The following ST6GALNAC3 variants were observed in gnomAD, a reference collection of about 807,000 sequenced individuals.
ST6GALNAC3 encodes the protein alpha-N-acetylgalactosaminide alpha-2,6-sialyltransferase 3.
Under a neutral mutation model 32.7 loss-of-function variants are expected in ST6GALNAC3, and 25 were observed. The observed-to-expected ratio is 0.76, with a 90% CI of 0.56 to 1.07. The LOEUF is 1.07. Among genes scored for constraint, ST6GALNAC3 ranks in the 50% least tolerant of loss-of-function variants. ST6GALNAC3 has a pLI of 0.00. For synonymous variants in ST6GALNAC3, 129 were observed against 133.1 expected, an observed-to-expected ratio of 0.97 and a Z score of 0.21; for missense variants, 355 against 382.4, an observed-to-expected ratio of 0.93 and a Z score of 0.60.
At chr1:76,113,376 A>G (rs1218682098) in intron 1 of ST6GALNAC3, among the ~76,000 whole-genome samples, 1 of 150,344 alleles carries the variant, frequency 6.7e-6, no homozygotes, top group Non-Finnish European at 1.5e-5. Context: ...GGGAGGCCAA[A>G]TGGCATTGTT....
At chr1:76,519,737 TTTA>T (rs142525597) in intron 3 of ST6GALNAC3, among the ~76,000 whole-genome samples, 2,587 of 151,942 alleles carry the variant, frequency 0.017, 77 homozygotes, top group African/African-American at 0.06. Flanking sequence ...AATCTTCTAT[TTTA>T]TTATTCTAGT....
chr1:76,536,653 G>GC (rs1491548851), intron 3 of ST6GALNAC3, among the ~76,000 whole-genome samples: 1 of 10,700 alleles, frequency 9.3e-5, no homozygotes, highest in African/African-American at 2.7e-4. Flanking sequence ...GAAATGGAAA[G>GC]CAAAAAAAAA....
chr1:76,434,621 A>G (rs1390627084), intron 3 of ST6GALNAC3, among the ~76,000 whole-genome samples: 1 of 152,174 alleles, frequency 6.6e-6, no homozygotes, highest in Non-Finnish European at 1.5e-5. Flanking sequence ...GATAGAGTAA[A>G]GGGAGAGGTT....
At chr1:76,335,712 C>G (rs910638459) in intron 2 of ST6GALNAC3, among the ~76,000 whole-genome samples, 3 of 152,108 alleles carry the variant, frequency 2.0e-5, no homozygotes, top group Admixed American at 6.6e-5. Flanking sequence ...ATCTCCTTTT[C>G]CAATTATGTT....
At chr1:76,399,100 T>C (rs12748617) in intron 2 of ST6GALNAC3, among the ~76,000 whole-genome samples, 4,627 of 152,280 alleles carry the variant, frequency 0.03, 84 homozygotes, top group African/African-American at 0.035. Flanking sequence ...GAATTTGTTA[T>C]GTATTTTGTA....
intron 1 of ST6GALNAC3, among the ~76,000 whole-genome samples, chr1:76,254,901 T>G (rs1657830085): frequency 6.6e-6 from 1 of 152,046 alleles, no homozygotes; most frequent in African/African-American, 2.4e-5. Context: ...AAACAGCAAG[T>G]GCAAAAAATG....
At chr1:76,362,747 C>G (rs1030841828) in intron 2 of ST6GALNAC3, among the ~76,000 whole-genome samples, 1 of 152,242 alleles carries the variant, frequency 6.6e-6, no homozygotes, top group South Asian at 2.1e-4. Context: ...CTCCATGTCT[C>G]ACATCTGGGA....
chr1:76,469,131 G>T (rs1327883650), intron 3 of ST6GALNAC3, among the ~76,000 whole-genome samples: 3 of 152,060 alleles, frequency 2.0e-5, no homozygotes, highest in Non-Finnish European at 4.4e-5. Context: ...ATTATGTGTT[G>T]TAATGGCTTA....
rs770778690 is a variant in ST6GALNAC3 at position 76,126,424 on chromosome 1, TTTCC to T, written c.18+51566_18+51569del. On this transcript the variant is annotated intron_variant, in intron 1 of 4. Coordinates refer to ENST00000328299, the MANE Select transcript of ST6GALNAC3 (RefSeq NM_152996.4). ...TTTCCCTCCCTCCCTCCCTCCTGCC[TTTCC>T]TTCCTTCCTTCCTTCCTTCCTTCCT... Among the ~76,000 whole-genome samples the T allele has an allele frequency of 1.8e-3, 135 of 73,400 alleles. No individual in the cohort carries two copies. The East Asian group carries it at 0.024, about 13-fold the overall frequency. The allele number at this position is 73,400 out of a possible 152,430, so 48.2% of individuals were successfully genotyped here. A position where few individuals can be genotyped will look rare whatever the true frequency, so the allele number is the denominator to read the frequency against.
At chr1:76,133,772 G>A (rs141409134) in intron 1 of ST6GALNAC3, among the ~76,000 whole-genome samples, 3 of 152,322 alleles carry the variant, frequency 2.0e-5, no homozygotes, top group African/African-American at 7.2e-5. Context: ...TTGACTTCCA[G>A]GAGGAGGATC....
chr1:76,275,283 G>A (rs2100767147), intron 1 of ST6GALNAC3, among the ~76,000 whole-genome samples: 1 of 152,246 alleles, frequency 6.6e-6, no homozygotes, highest in Non-Finnish European at 1.5e-5. Flanking sequence ...GGCCTGCTTT[G>A]GGAAATTCTT....
chr1:76,124,318 A>C (rs1226723202), intron 1 of ST6GALNAC3, among the ~76,000 whole-genome samples: 1 of 152,164 alleles, frequency 6.6e-6, no homozygotes, highest in Non-Finnish European at 1.5e-5. Flanking sequence ...TGAACAAATC[A>C]TGCGCATTCT....
At chr1:76,102,678 T>G (rs1327544885) in intron 1 of ST6GALNAC3, among the ~76,000 whole-genome samples, 1 of 152,150 alleles carries the variant, frequency 6.6e-6, no homozygotes, top group Non-Finnish European at 1.5e-5. Flanking sequence ...TCTTGACTTC[T>G]GTGTCATTGT....
intron 1 of ST6GALNAC3, among the ~76,000 whole-genome samples, chr1:76,203,776 T>G (rs1375014561): frequency 1.3e-5 from 2 of 152,214 alleles, no homozygotes; most frequent in Non-Finnish European, 2.9e-5. Flanking sequence ...ATACATATTT[T>G]CAGGGTACCT....
intron 2 of ST6GALNAC3, among the ~76,000 whole-genome samples, chr1:76,331,517 C>A (rs1647186144): frequency 6.6e-6 from 1 of 152,198 alleles, no homozygotes; most frequent in South Asian, 2.1e-4. Flanking sequence ...TTGTCCATAA[C>A]CATCATTGCC....
intron 2 of ST6GALNAC3, among the ~76,000 whole-genome samples, chr1:76,400,641 C>T (rs890262677): frequency 6.6e-6 from 1 of 152,022 alleles, no homozygotes; most frequent in African/African-American, 2.4e-5. Flanking sequence ...AATCCCAGCA[C>T]TTTGGGAGGC....
intron 3 of ST6GALNAC3, among the ~76,000 whole-genome samples, chr1:76,433,309 A>G (rs1379152546): frequency 1.3e-5 from 2 of 152,236 alleles, no homozygotes; most frequent in African/African-American, 2.4e-5. Flanking sequence ...AACCTTAAGA[A>G]AAAAAGAGAT....
At chr1:76,522,559 T>A (rs765342673) in intron 3 of ST6GALNAC3, among the ~76,000 whole-genome samples, 1 of 152,218 alleles carries the variant, frequency 6.6e-6, no homozygotes, top group Non-Finnish European at 1.5e-5. Context: ...AGCTTGGTAC[T>A]GTATGTATCC....
At chr1:76,107,215 G>A (rs1205545286) in intron 1 of ST6GALNAC3, among the ~76,000 whole-genome samples, 5 of 151,836 alleles carry the variant, frequency 3.3e-5, no homozygotes, top group African/African-American at 1.2e-4. Context: ...CTAATCCAAT[G>A]AAGACAATGG....
Sources: allele counts gnomAD v4.1 joint callset (sites outside exome capture counted in the v4.1 genomes callset), GRCh38; gene constraint gnomAD v4.1.1; transcripts MANE v1.5; gene names NCBI Gene and HGNC (gene_info 2026-07-23, HGNC 2026-07-21).